CAST: variants seen among roughly 807,000 people sequenced by gnomAD.
The protein encoded by CAST is MIR583 host.
In CAST, 76 loss-of-function variants were observed where a neutral mutation model predicts 119.6. The observed-to-expected ratio is 0.64, with a 90% CI of 0.53 to 0.77. The LOEUF (loss-of-function observed/expected upper bound fraction) is 0.77. Ranked by LOEUF, CAST falls within the 30% of genes least tolerant of loss-of-function variation. The probability of loss-of-function intolerance (pLI) is 0.00; values close to 1 mark genes in which losing one functional copy is unlikely to be tolerated. For synonymous variants in CAST, 319 were observed against 331.6 expected (o/e 0.96, Z 0.41); for missense variants, 953 against 946.5 (o/e 1.01, Z -0.09).
chr5:96,459,281 G>T, the CAST span, among the ~76,000 whole-genome samples: 2 of 152,126 alleles, frequency 1.3e-5, no homozygotes, highest in African/African-American at 4.8e-5. Flanking sequence ...AGGCCTCCTT[G>T]TGTTAAGTAG....
At chr5:96,106,024 G>C in the CAST span, among the ~76,000 whole-genome samples, 1 of 152,216 alleles carries the variant, frequency 6.6e-6, no homozygotes, top group Non-Finnish European at 1.5e-5. Flanking sequence ...TATTTGCGTA[G>C]AGGTGTTTGT....
At chr5:96,043,154 T>C in the CAST span, among the ~76,000 whole-genome samples, 1 of 152,210 alleles carries the variant, frequency 6.6e-6, no homozygotes, top group Non-Finnish European at 1.5e-5. Flanking sequence ...TTAAAAACAC[T>C]AACTCAAAAT....
At chr5:96,768,106 C>A (rs1770704947) in intron 29 of CAST, 107 bp downstream of exon 29, 2 of 780,396 alleles carry the variant, frequency 2.6e-6, no homozygotes, top group South Asian at 2.9e-5. Flanking sequence ...TGTCTTGTAA[C>A]AGGGTCTTAC....
At chr5:96,748,116 T>C (rs1290425864) in intron 18 of CAST, among the ~76,000 whole-genome samples, 1 of 152,092 alleles carries the variant, frequency 6.6e-6, no homozygotes, top group East Asian at 1.9e-4. Context: ...TGCATAATCA[T>C]AGAAACGGAG....
chr5:96,079,358 G>A, the CAST span: 1 of 280,594 alleles, frequency 3.6e-6, no homozygotes, highest in South Asian at 3.5e-5. Context: ...CAAGGGTTAG[G>A]AAGGCTAGTC....
rs1033280398 is a variant in CAST at position 96,773,936 on chromosome 5, A to G, written c.*1320A>G. 2 of 152,302 alleles carry G rather than the reference A, an allele frequency of 1.3e-5. No individual in the cohort carries two copies. Among genetic ancestry groups the G allele is most frequent in the African/African-American group, 4.8e-5 (2 of 41,438 alleles). 9.4% of individuals were successfully genotyped at this position (152,302 alleles called of 1,614,324 possible). On this transcript the variant is annotated 3_prime_UTR_variant, in exon 32 of 32. Transcript: ENST00000675179. ...GCAAAAACAATAACACTGCTTATAA[A>G]TGGCACCACATCTTGTTAACCTCCC...
At chr5:96,148,884 G>A in the CAST span, among the ~76,000 whole-genome samples, 4 of 152,334 alleles carry the variant, frequency 2.6e-5, no homozygotes, top group Admixed American at 6.5e-5. Context: ...CCTTGGTCAC[G>A]TCACTTAGCA....
the CAST span, among the ~76,000 whole-genome samples, chr5:96,219,773 G>A: frequency 7.3e-6 from 1 of 137,376 alleles, no homozygotes; most frequent in African/African-American, 3.5e-5. Context: ...AGGAAGGAAG[G>A]AAGAAAGGAA....
At chr5:96,257,031 G>C in the CAST span, among the ~76,000 whole-genome samples, 1 of 152,172 alleles carries the variant, frequency 6.6e-6, no homozygotes, top group East Asian at 1.9e-4. Flanking sequence ...ATGGCGCTGT[G>C]ATTCATTGTG....
the CAST span, among the ~76,000 whole-genome samples, chr5:96,069,861 A>G: frequency 5.3e-5 from 8 of 149,688 alleles, no homozygotes; most frequent in African/African-American, 2.0e-4. Context: ...GGCAAATCCA[A>G]ATTATGCAAG....
the CAST span, among the ~76,000 whole-genome samples, chr5:96,149,033 A>G: frequency 1.3e-5 from 2 of 152,260 alleles, no homozygotes; most frequent in African/African-American, 4.8e-5. Context: ...ATCTTAATTC[A>G]ATCAAAATTT....
At chr5:96,159,440 G>A in the CAST span, among the ~76,000 whole-genome samples, 25 of 152,116 alleles carry the variant, frequency 1.6e-4, no homozygotes, top group African/African-American at 4.6e-4. Context: ...GTCAAACAAC[G>A]CAAAGTTGTA....
the CAST span, among the ~76,000 whole-genome samples, chr5:96,370,877 C>T: frequency 3.3e-5 from 5 of 152,204 alleles, no homozygotes; most frequent in Non-Finnish European, 5.9e-5. Context: ...TAGGGATTCA[C>T]CTGTTTATGA....
At chr5:96,011,456 GT>G in the CAST span, among the ~76,000 whole-genome samples, 1 of 152,154 alleles carries the variant, frequency 6.6e-6, no homozygotes, top group Non-Finnish European at 1.5e-5. Context: ...GCTGACATGG[GT>G]ACATAGTTGC....
At chr5:96,662,829 G>A (rs1360903525) in intron 1 of CAST, among the ~76,000 whole-genome samples, 1 of 152,226 alleles carries the variant, frequency 6.6e-6, no homozygotes, top group Non-Finnish European at 1.5e-5. Context: ...GAGTGAGTGG[G>A]GTGGTTTCAC....
chr5:96,377,592 T>A, the CAST span, among the ~76,000 whole-genome samples: 1 of 152,188 alleles, frequency 6.6e-6, no homozygotes, highest in African/African-American at 2.4e-5. Context: ...GTAGCCTAGA[T>A]GTGTAATAGG....
the CAST span, among the ~76,000 whole-genome samples, chr5:96,452,684 C>T: frequency 1.5e-5 from 2 of 136,962 alleles, no homozygotes; most frequent in Non-Finnish European, 3.1e-5. Context: ...GGCGCGGTGG[C>T]TCACGCCTGT....
the CAST span, among the ~76,000 whole-genome samples, chr5:96,124,701 A>C: frequency 1.3e-5 from 2 of 152,282 alleles, no homozygotes; most frequent in South Asian, 4.1e-4. Flanking sequence ...TTAATAAGCA[A>C]ATTGATAGTA....
At chr5:96,351,966 G>A in the CAST span, among the ~76,000 whole-genome samples, 5 of 152,116 alleles carry the variant, frequency 3.3e-5, no homozygotes, top group Non-Finnish European at 7.4e-5. Flanking sequence ...ATAACTGTTG[G>A]GTGGGTATTT....
Sources: allele counts gnomAD v4.1 joint callset (sites outside exome capture counted in the v4.1 genomes callset), GRCh38; gene constraint gnomAD v4.1.1; transcripts MANE v1.5; gene names NCBI Gene and HGNC (gene_info 2026-07-23, HGNC 2026-07-21).